The following UTRN variants were observed in gnomAD, a reference collection of about 807,000 sequenced individuals.
The protein encoded by UTRN is dystrophin-related protein 1.
UTRN carries 283 observed loss-of-function variants against 463.9 expected under a neutral mutation model. The ratio of observed to expected loss-of-function variants is 0.61; its 90% CI spans 0.55 to 0.67. The LOEUF (loss-of-function observed/expected upper bound fraction) is 0.67, where lower values mean the gene tolerates loss of function less well. UTRN is among the 30% of genes least tolerant of loss of function. The pLI, the probability that UTRN is intolerant of heterozygous loss-of-function variation, is 0.00. For synonymous variants in UTRN, 1,442 were observed against 1,431.5 expected (o/e 1.01, Z -0.17); for missense variants, 3,922 against 4,084.3 (o/e 0.96, Z 1.08).
intron 50 of UTRN, among the ~76,000 whole-genome samples, chr6:144,566,875 C>G (rs1021133583): frequency 9.9e-5 from 15 of 152,058 alleles, no homozygotes; most frequent in Admixed American, 2.6e-4. Flanking sequence ...GAACCCCATG[C>G]AGTAGCTCAT....
At chr6:144,336,414 C>G (rs1245248524) in intron 2 of UTRN, among the ~76,000 whole-genome samples, 1 of 152,124 alleles carries the variant, frequency 6.6e-6, no homozygotes, top group African/African-American at 2.4e-5. Context: ...TGTAGGTGAC[C>G]AAGGAACAAA....
chr6:144,765,895 T>TC (rs1172444169), intron 58 of UTRN, among the ~76,000 whole-genome samples: 1 of 151,890 alleles, frequency 6.6e-6, no homozygotes, highest in Non-Finnish European at 1.5e-5. Context: ...ATTTTTTTTT[T>TC]CTTGAAATTC....
intron 3 of UTRN, among the ~76,000 whole-genome samples, chr6:144,415,693 C>T (rs1276720028): frequency 5.3e-5 from 8 of 152,080 alleles, no homozygotes; most frequent in African/African-American, 1.9e-4. Flanking sequence ...GTAATGGATG[C>T]CCATTAGGGT....
intron 2 of UTRN, among the ~76,000 whole-genome samples, chr6:144,307,326 A>T (rs1323626973): frequency 6.6e-6 from 1 of 152,130 alleles, no homozygotes; most frequent in Non-Finnish European, 1.5e-5. Flanking sequence ...GTGTTTGGGG[A>T]GGGAGAGAAG....
chr6:144,509,160 G>A (rs1313065414), intron 34 of UTRN, among the ~76,000 whole-genome samples: 5 of 151,738 alleles, frequency 3.3e-5, no homozygotes, highest in Non-Finnish European at 7.4e-5. Flanking sequence ...AATTCTATTC[G>A]GTAACATATA....
intron 4 of UTRN, 53 bp downstream of exon 4, chr6:144,422,023 G>T: frequency 2.7e-6 from 4 of 1,461,514 alleles, no homozygotes; most frequent in South Asian, 2.4e-5. Context: ...GCTGATACTT[G>T]ATGACCCAGT....
intron 40 of UTRN, among the ~76,000 whole-genome samples, 157 bp from the exon 41 acceptor site, chr6:144,522,858 CA>C (rs1796228074): frequency 6.8e-6 from 1 of 146,700 alleles, no homozygotes; most frequent in African/African-American, 2.5e-5. Context: ...AACAGAGTAT[CA>C]TTTAAAAAAA....
In UTRN at chr6:144,440,454, C is replaced by T; in HGVS notation, c.1495C>T (p.Leu499=). The part of the protein sequence containing the change: ...ENSGESATAI[L]EDQLQKLGER... ...CAGTGGTGAGAGTGCTACAGCTATC[C>T]TAGAAGACCAGTTACAGGTAAGAGT... Residue 499 remains leucine, a synonymous_variant, in exon 13 of 75, where the codon CTA becomes TTA. Coordinates refer to ENST00000367545, the MANE Select transcript of UTRN (RefSeq NM_007124.3). 6.2e-7 allele frequency: 1 copy of T among 1,614,130 alleles called. No individual in the cohort carries two copies. The highest frequency in any genetic ancestry group is 1.7e-5 in the Admixed American group (1 of 60,022).
intron 51 of UTRN, among the ~76,000 whole-genome samples, chr6:144,660,594 A>C (rs572376581): frequency 6.6e-6 from 1 of 152,324 alleles, no homozygotes; most frequent in South Asian, 2.1e-4. Context: ...TGAAAATAAA[A>C]TAAAAATCCA....
chr6:144,308,708 A>G (rs930766516), intron 2 of UTRN, among the ~76,000 whole-genome samples: 6 of 152,144 alleles, frequency 3.9e-5, no homozygotes, highest in Non-Finnish European at 8.8e-5. Context: ...AACCGTGTAC[A>G]TTGTACCCAT....
At chr6:144,448,057 T>C (rs1427998499) in intron 16 of UTRN, among the ~76,000 whole-genome samples, 1 of 152,208 alleles carries the variant, frequency 6.6e-6, no homozygotes, top group Admixed American at 6.5e-5. Flanking sequence ...TTAAAAATAT[T>C]TTAATGAATT....
Position 144,494,162 on chromosome 6 carries a change from C to A in UTRN, c.4593+706C>A, listed in dbSNP as rs899550240. On this transcript the variant is annotated intron_variant, in intron 33 of 74. Coordinates refer to ENST00000367545, the MANE Select transcript of UTRN (RefSeq NM_007124.3). ...GGTGGGTTCTTGGTCTCACTGACTTCAAGAATGAAGCTGTGGACCCTCGTG... is the reference window on the plus strand; with the variant it reads ...GGTGGGTTCTTGGTCTCACTGACTTAAAGAATGAAGCTGTGGACCCTCGTG... 3.9e-5 allele frequency among the ~76,000 whole-genome samples: 6 copies of A among 152,274 alleles called. 1 individual carries two copies. The East Asian group carries it at 1.2e-3, about 29-fold the overall frequency.
chr6:144,543,007 G>T (rs1215071906), intron 46 of UTRN, 137 bp downstream of exon 46: 2 of 742,702 alleles, frequency 2.7e-6, no homozygotes, highest in Non-Finnish European at 4.2e-6. Context: ...TCAATGATTT[G>T]GAAAGAACAT....
intron 2 of UTRN, among the ~76,000 whole-genome samples, chr6:144,397,171 GA>G: frequency 1.3e-5 from 2 of 152,220 alleles, no homozygotes; most frequent in Middle Eastern, 3.4e-3. Context: ...TTCAACCTGG[GA>G]GGCAGAGGTT....
intron 57 of UTRN, among the ~76,000 whole-genome samples, chr6:144,757,709 G>A (rs1792166918): frequency 6.6e-6 from 1 of 152,094 alleles, no homozygotes. Flanking sequence ...GGTTAGATTA[G>A]TTGGCATTAG....
At chr6:144,516,711 A>G (rs1246529547) in intron 38 of UTRN, 100 bp from the exon 39 acceptor site, 2 of 961,960 alleles carry the variant, frequency 2.1e-6, no homozygotes, top group Admixed American at 3.8e-5. Context: ...CTTGACGTAT[A>G]CTATACTAAG....
chr6:144,707,922 A>G (rs1235558757), intron 53 of UTRN, among the ~76,000 whole-genome samples: 2 of 152,306 alleles, frequency 1.3e-5, no homozygotes, highest in Admixed American at 1.3e-4. Flanking sequence ...TTTAAGTTCT[A>G]GGATACTCAG....
Position 144,548,830 on chromosome 6 carries a change from C to T in UTRN, c.6786C>T (p.Ile2262=), listed in dbSNP as rs754706653. 1.2e-6 allele frequency: 2 copies of T among 1,613,928 alleles called. No homozygotes were observed. Residue 2262 remains isoleucine (I), a synonymous_variant, in exon 47 of 75, where the codon ATC becomes ATT. Transcript: ENST00000367545. Reference sequence around the variant, plus strand: ...TCACTGTTGGGGATGTAGAAGAGATCAATAAGACCGTTTCCCGAATGAAAG... The same window carrying T: ...TCACTGTTGGGGATGTAGAAGAGATTAATAAGACCGTTTCCCGAATGAAAG... ...NIVTVGDVEE[I]NKTVSRMKIT...
chr6:144,646,414 G>C (rs986788776), intron 51 of UTRN, among the ~76,000 whole-genome samples: 1 of 152,108 alleles, frequency 6.6e-6, no homozygotes, highest in Non-Finnish European at 1.5e-5. Context: ...AGGTTCCTCT[G>C]TGGCTGTCTA....
Sources: allele counts gnomAD v4.1 joint callset (sites outside exome capture counted in the v4.1 genomes callset), GRCh38; gene constraint gnomAD v4.1.1; transcripts MANE v1.5; gene names NCBI Gene and HGNC (gene_info 2026-07-23, HGNC 2026-07-21).